AGBL1: variants seen among roughly 807,000 people sequenced by gnomAD.
The protein encoded by AGBL1 is cytosolic carboxypeptidase 4.
Under a neutral mutation model 118.9 loss-of-function variants are expected in AGBL1, and 130 were observed. The ratio of observed to expected loss-of-function variants is 1.09; its 90% CI spans 0.95 to 1.26. The LOEUF (loss-of-function observed/expected upper bound fraction) is 1.26, where lower values mean the gene tolerates loss of function less well. Ranked by LOEUF, AGBL1 falls within the 50% of genes most tolerant of loss-of-function variation. The probability of loss-of-function intolerance (pLI) is 0.00; values close to 1 mark genes in which losing one functional copy is unlikely to be tolerated. For synonymous variants in AGBL1, 555 were observed against 478.9 expected, an observed-to-expected ratio of 1.16 and a Z score of -2.08; for missense variants, 1,584 against 1,298.1, an observed-to-expected ratio of 1.22 and a Z score of -3.38.
chr15:86,922,536 C>A (rs960475366), intron 23 of AGBL1, among the ~76,000 whole-genome samples: 2 of 152,226 alleles, frequency 1.3e-5, no homozygotes, highest in African/African-American at 4.8e-5. Context: ...AGGTGATCCA[C>A]CTGCCTTGGC....
chr15:86,182,786 G>C (rs1035311901), intron 5 of AGBL1, among the ~76,000 whole-genome samples: 7 of 152,132 alleles, frequency 4.6e-5, no homozygotes, highest in Admixed American at 3.3e-4. Context: ...TATTTTATAG[G>C]AGGATCTCTA....
chr15:86,907,783 G>A lies in AGBL1; in HGVS notation c.*489G>A, dbSNP rs2080301089. 1 of 152,128 alleles carries A rather than the reference G, an allele frequency of 6.6e-6. No homozygotes were observed. Among genetic ancestry groups the A allele is most frequent in the African/African-American group, 2.4e-5 (1 of 41,412 alleles). 9.4% of individuals were successfully genotyped at this position (152,128 alleles called of 1,614,324 possible). ...CCAGAACAAACCACTGAGACTCTGG[G>A]GATCCTGGCAGGGTCTTCAGGTGCT... On this transcript the variant is annotated 3_prime_UTR_variant, in exon 23 of 23. Transcript: ENST00000614907.
intron 18 of AGBL1, among the ~76,000 whole-genome samples, chr15:86,507,862 G>T (rs754600904): frequency 6.6e-6 from 1 of 152,030 alleles, no homozygotes; most frequent in Non-Finnish European, 1.5e-5. Context: ...CAGGATTAGG[G>T]GTATGTGATA....
chr15:86,109,502 C>T (rs1481423087), intron 1 of AGBL1, among the ~76,000 whole-genome samples: 1 of 152,016 alleles, frequency 6.6e-6, no homozygotes, highest in Non-Finnish European at 1.5e-5. Context: ...TATATAATAC[C>T]ATTTTCTATA....
chr15:86,350,242 A>G (rs1299041171), intron 17 of AGBL1, among the ~76,000 whole-genome samples: 1 of 152,210 alleles, frequency 6.6e-6, no homozygotes, highest in African/African-American at 2.4e-5. Context: ...GCTATTCTCA[A>G]TTTGGAAATA....
chr15:86,742,664 A>G (rs966006454), intron 22 of AGBL1, among the ~76,000 whole-genome samples: 1 of 152,150 alleles, frequency 6.6e-6, no homozygotes, highest in South Asian at 2.1e-4. Context: ...CCATTTTGCC[A>G]CAGAGAGGGA....
intron 19 of AGBL1, among the ~76,000 whole-genome samples, chr15:86,531,910 A>G (rs1367519046): frequency 2.0e-4 from 30 of 149,854 alleles, no homozygotes; most frequent in Non-Finnish European, 2.4e-4. Flanking sequence ...AAATTCAACA[A>G]CCCTTCATGC....
intron 1 of AGBL1, among the ~76,000 whole-genome samples, chr15:86,139,343 G>C (rs1262770337): frequency 1.3e-5 from 2 of 152,148 alleles, no homozygotes; most frequent in Non-Finnish European, 2.9e-5. Context: ...AAGCATTGCA[G>C]AGATCCCTTA....
At position 86,264,464 on chromosome 15, in the gene AGBL1, A is replaced by G. The variant is rs1468914760; in HGVS notation, c.1293A>G (p.Lys431=). The G allele has an allele frequency of 1.2e-6, 2 of 1,613,886 alleles. No individual in the cohort carries two copies. The highest frequency in any genetic ancestry group is 1.7e-6 in the Non-Finnish European group (2 of 1,179,902). The change falls in exon 11 of 23, where the codon AAA becomes AAG. Residue 431 remains lysine (K), a synonymous_variant. Transcript: ENST00000614907. ...TGRSTVHLGS[K]KNPGVNLYQN... ...GGTCCACTGTGCATCTAGGCTCCAA[A>G]AAAAATCCTGGAGTGAACCTGTACC...
chr15:86,606,366 T>C (rs1301878648), intron 21 of AGBL1, among the ~76,000 whole-genome samples: 3 of 152,066 alleles, frequency 2.0e-5, no homozygotes, highest in Non-Finnish European at 4.4e-5. Context: ...CTGCGTGAGA[T>C]TAGTTTTAGT....
chr15:86,483,168 G>A (rs2082673895), intron 18 of AGBL1, among the ~76,000 whole-genome samples: 2 of 152,074 alleles, frequency 1.3e-5, no homozygotes, highest in South Asian at 4.1e-4. Context: ...GGCGGCATTG[G>A]CATGATCTGA....
chr15:86,536,144 C>T (rs2083423156), intron 19 of AGBL1, among the ~76,000 whole-genome samples: 1 of 152,106 alleles, frequency 6.6e-6, no homozygotes. Flanking sequence ...ATACCAGAAA[C>T]CAAGTTTTGT....
At chr15:86,765,236 T>C (rs1163705547) in intron 22 of AGBL1, among the ~76,000 whole-genome samples, 1 of 151,988 alleles carries the variant, frequency 6.6e-6, no homozygotes, top group Non-Finnish European at 1.5e-5. Context: ...TTCTTTGCCT[T>C]CTTCCCCTTG....
intron 1 of AGBL1, among the ~76,000 whole-genome samples, chr15:86,085,857 C>G (rs1895611729): frequency 6.6e-6 from 1 of 152,202 alleles, no homozygotes; most frequent in Non-Finnish European, 1.5e-5. Flanking sequence ...CAAAGCAGCT[C>G]TGACAGCATG....
intron 21 of AGBL1, among the ~76,000 whole-genome samples, chr15:86,616,951 C>T (rs1052673337): frequency 3.3e-5 from 5 of 152,166 alleles, no homozygotes; most frequent in Admixed American, 2.0e-4. Flanking sequence ...TCACCAGGAG[C>T]GATTGCTTGC....
At chr15:86,815,503 G>A (rs1369105148) in intron 22 of AGBL1, among the ~76,000 whole-genome samples, 1 of 152,050 alleles carries the variant, frequency 6.6e-6, no homozygotes, top group Non-Finnish European at 1.5e-5. Flanking sequence ...TATTTAGAAA[G>A]TTATGAAAAC....
At chr15:86,658,682 T>C (rs534610477) in intron 21 of AGBL1, among the ~76,000 whole-genome samples, 57 of 152,326 alleles carry the variant, frequency 3.7e-4, no homozygotes, top group South Asian at 1.0e-3. Flanking sequence ...GCAAATCTTA[T>C]ATGGGCATGT....
At chr15:86,813,898 C>T (rs1270420967) in intron 22 of AGBL1, among the ~76,000 whole-genome samples, 2 of 152,212 alleles carry the variant, frequency 1.3e-5, no homozygotes, top group East Asian at 1.9e-4. Context: ...AGAAACATTA[C>T]TTCTTTTTCC....
At chr15:86,386,766 A>G (rs1174408969) in intron 17 of AGBL1, among the ~76,000 whole-genome samples, 2 of 152,094 alleles carry the variant, frequency 1.3e-5, no homozygotes, top group African/African-American at 4.8e-5. Context: ...TACTTACATG[A>G]TGTTATTGTC....
Sources: allele counts gnomAD v4.1 joint callset (sites outside exome capture counted in the v4.1 genomes callset), GRCh38; gene constraint gnomAD v4.1.1; transcripts MANE v1.5; gene names NCBI Gene and HGNC (gene_info 2026-07-23, HGNC 2026-07-21).